The following ACER3 variants were observed in gnomAD, a reference collection of about 807,000 sequenced individuals.
ACER3 encodes the protein alkCDase 3.
In ACER3, 16 loss-of-function variants were observed where a neutral mutation model predicts 48.9. That is an observed-to-expected ratio of 0.33 (90% CI 0.22 to 0.50). The LOEUF (loss-of-function observed/expected upper bound fraction) is 0.50. Among genes scored for constraint, ACER3 ranks in the 20% least tolerant of loss-of-function variants. ACER3 has a pLI of 0.98. For missense variants in ACER3, 227 were observed against 326.0 expected, an observed-to-expected ratio of 0.70 and a Z score of 2.34; for synonymous variants, 109 against 107.8, an observed-to-expected ratio of 1.01 and a Z score of -0.07.
chr11:76,876,346 A>G (rs946725756), intron 1 of ACER3, among the ~76,000 whole-genome samples: 1 of 151,094 alleles, frequency 6.6e-6, no homozygotes, highest in African/African-American at 2.4e-5. Context: ...TCTAGTATTT[A>G]CTATTTCGGG....
chr11:76,980,678 CA>C lies in ACER3; in HGVS notation c.320+4347del, dbSNP rs1311383782. 1.2e-4 allele frequency among the ~76,000 whole-genome samples: 17 copies of C among 143,942 alleles called. 1 individual carries two copies. Among genetic ancestry groups the C allele is most frequent in the Non-Finnish European group, 9.1e-5 (6 of 65,624 alleles). 94.4% of individuals were successfully genotyped at this position (143,942 alleles called of 152,430 possible). A position where few individuals can be genotyped will look rare whatever the true frequency, so the allele number is the denominator to read the frequency against. On this transcript the variant is annotated intron_variant, in intron 4 of 10. Transcript: ENST00000532485. ...TAGGGGACAGAGCAAGACCCTGTCT[CA>C]AAAAAAAAAGAAAAAGAAAAATAGT...
chr11:76,894,568 G>A (rs1465678713), intron 1 of ACER3, among the ~76,000 whole-genome samples: 1 of 152,148 alleles, frequency 6.6e-6, no homozygotes, highest in Non-Finnish European at 1.5e-5. Context: ...TAAATAGTGA[G>A]ACTACTCCCT....
At chr11:76,958,867 A>G in intron 2 of ACER3, 112 bp from the exon 3 acceptor site, 2 of 1,227,726 alleles carry the variant, frequency 1.6e-6, no homozygotes, top group South Asian at 2.7e-5. Context: ...ACTAGATTTT[A>G]TAAACTTCAT....
At chr11:76,951,328 C>T (rs1947663801) in intron 2 of ACER3, among the ~76,000 whole-genome samples, 1 of 152,196 alleles carries the variant, frequency 6.6e-6, no homozygotes, top group South Asian at 2.1e-4. Flanking sequence ...ACTCTCCCCT[C>T]CTCCATTAAA....
At chr11:76,986,123 T>C (rs1459318373) in intron 5 of ACER3, among the ~76,000 whole-genome samples, 1 of 152,246 alleles carries the variant, frequency 6.6e-6, no homozygotes, top group Non-Finnish European at 1.5e-5. Context: ...TAGTCACTTC[T>C]AATTCTACAT....
At chr11:76,914,488 C>A (rs1695873729) in intron 1 of ACER3, among the ~76,000 whole-genome samples, 1 of 152,156 alleles carries the variant, frequency 6.6e-6, no homozygotes, top group South Asian at 2.1e-4. Flanking sequence ...ATCAAAACCA[C>A]AATGAGATAC....
At chr11:76,954,810 C>T (rs1947793470) in intron 2 of ACER3, among the ~76,000 whole-genome samples, 2 of 152,094 alleles carry the variant, frequency 1.3e-5, no homozygotes, top group South Asian at 4.1e-4. Flanking sequence ...CCATGTTGGG[C>T]AGGCTGGTCT....
chr11:76,862,858 A>G (rs1241105529), intron 1 of ACER3, among the ~76,000 whole-genome samples: 2 of 152,206 alleles, frequency 1.3e-5, no homozygotes, highest in African/African-American at 4.8e-5. Context: ...AAATTATTTA[A>G]TAGAGAAAAG....
chr11:76,975,181 A>G (rs1040732743), intron 3 of ACER3, among the ~76,000 whole-genome samples: 7 of 152,166 alleles, frequency 4.6e-5, no homozygotes, highest in African/African-American at 1.7e-4. Context: ...TCCTTACTCT[A>G]TATTTAATCA....
intron 2 of ACER3, among the ~76,000 whole-genome samples, chr11:76,939,145 TA>T (rs1947274488): frequency 6.6e-6 from 1 of 151,988 alleles, no homozygotes; most frequent in African/African-American, 2.4e-5. Context: ...AGAGAAAGCT[TA>T]AAAAAAGTAG....
chr11:76,889,387 G>T (rs1945751659), intron 1 of ACER3, among the ~76,000 whole-genome samples: 1 of 151,998 alleles, frequency 6.6e-6, no homozygotes, highest in Admixed American at 6.6e-5. Flanking sequence ...TATTTGTAAT[G>T]AGAGAATTTT....
At chr11:76,964,812 T>A (rs1479492184) in intron 3 of ACER3, among the ~76,000 whole-genome samples, 1 of 151,154 alleles carries the variant, frequency 6.6e-6, no homozygotes, top group Non-Finnish European at 1.5e-5. Context: ...AACCCATCTG[T>A]ACGTCACCAT....
At chr11:76,948,373 A>G (rs1358199126) in intron 2 of ACER3, among the ~76,000 whole-genome samples, 1 of 152,148 alleles carries the variant, frequency 6.6e-6, no homozygotes, top group East Asian at 1.9e-4. Flanking sequence ...CTCTTTTTAA[A>G]TAACCTAAAT....
chr11:76,965,021 G>A (rs971095451), intron 3 of ACER3, among the ~76,000 whole-genome samples: 2 of 151,170 alleles, frequency 1.3e-5, no homozygotes, highest in Non-Finnish European at 1.5e-5. Context: ...CAAGCTAAAG[G>A]AGGAAGTTCG....
intron 2 of ACER3, among the ~76,000 whole-genome samples, chr11:76,954,507 G>A (rs1947777827): frequency 6.6e-6 from 1 of 151,706 alleles, no homozygotes; most frequent in African/African-American, 2.4e-5. Context: ...CCCCCTAGAC[G>A]AGGTAATAAC....
intron 1 of ACER3, among the ~76,000 whole-genome samples, chr11:76,916,941 T>A (rs983130617): frequency 1.3e-5 from 2 of 152,116 alleles, no homozygotes; most frequent in Admixed American, 6.6e-5. Flanking sequence ...GTCATTCCCC[T>A]CCCCTGTAAC....
chr11:76,986,471 G>A (rs181066541), intron 5 of ACER3, among the ~76,000 whole-genome samples: 5 of 152,294 alleles, frequency 3.3e-5, no homozygotes, highest in Non-Finnish European at 7.4e-5. Context: ...TCAGACCCCT[G>A]GGCAAGAGTG....
At chr11:76,861,101 G>GTC in intron 1 of ACER3, 22 bp downstream of exon 1, 1 of 1,533,666 alleles carries the variant, frequency 6.5e-7, no homozygotes, top group Non-Finnish European at 8.8e-7. Flanking sequence ...CTGAGGAGGG[G>GTC]AGTGGGGGCG....
intron 1 of ACER3, among the ~76,000 whole-genome samples, chr11:76,871,734 G>A (rs935903939): frequency 3.3e-5 from 5 of 152,156 alleles, no homozygotes; most frequent in Non-Finnish European, 7.4e-5. Context: ...ATCAGAAAAC[G>A]AGCTGGAAAG....
Sources: allele counts gnomAD v4.1 joint callset (sites outside exome capture counted in the v4.1 genomes callset), GRCh38; gene constraint gnomAD v4.1.1; transcripts MANE v1.5; gene names NCBI Gene and HGNC (gene_info 2026-07-23, HGNC 2026-07-21).